The following GSKIP variants were observed in gnomAD, a reference collection of about 807,000 sequenced individuals.
GSKIP encodes the protein GSK3B-interacting protein.
GSKIP carries 5 observed loss-of-function variants against 11.9 expected under a neutral mutation model. The observed-to-expected ratio is 0.42, with a 90% CI of 0.22 to 0.89. The LOEUF is 0.89. Ranked by LOEUF, GSKIP falls within the 40% of genes least tolerant of loss-of-function variation. The pLI is 0.29. For missense variants in GSKIP, 150 were observed against 166.6 expected (o/e 0.90, Z 0.55); for synonymous variants, 70 against 62.9 (o/e 1.11, Z -0.54).
intron 1 of GSKIP, among the ~76,000 whole-genome samples, chr14:96,367,831 T>TA (rs1471712839): frequency 6.6e-6 from 1 of 152,204 alleles, no homozygotes; most frequent in Non-Finnish European, 1.5e-5. Flanking sequence ...TTACATCAGG[T>TA]GATACAACCT....
intron 1 of GSKIP, among the ~76,000 whole-genome samples, chr14:96,375,711 C>T (rs758052127): frequency 1.3e-5 from 2 of 152,164 alleles, no homozygotes; most frequent in South Asian, 2.1e-4. Flanking sequence ...GGATAACAGG[C>T]GTGAGCCACC....
chr14:96,373,384 T>A (rs967176909), intron 1 of GSKIP, among the ~76,000 whole-genome samples: 3 of 149,628 alleles, frequency 2.0e-5, no homozygotes, highest in Non-Finnish European at 4.5e-5. Context: ...TTTTCCAAAG[T>A]GTTGTGCCAG....
At chr14:96,376,446 AG>A (rs1176997598) in intron 1 of GSKIP, among the ~76,000 whole-genome samples, 1 of 152,208 alleles carries the variant, frequency 6.6e-6, no homozygotes, top group African/African-American at 2.4e-5. Flanking sequence ...CTGTACCCTT[AG>A]TCAAGCCCCA....
In GSKIP at chr14:96,379,413, C is replaced by T. The variant is rs149003251; in HGVS notation, c.-102-275C>T. Among the ~76,000 whole-genome samples the T allele has an allele frequency of 1.8e-3, 278 of 152,172 alleles. 4 individuals carry two copies. Among genetic ancestry groups the T allele is most frequent in the African/African-American group, 3.7e-3 (154 of 41,516 alleles). On this transcript the variant is annotated intron_variant, in intron 1 of 3. Transcript: ENST00000555181. The stretch of plus-strand genomic sequence containing the variant: ...AATTGCTTGGTTACTTTACTTAGTA[C>T]GGGAAGGGAGCATTATGGTTGCCCT...
At chr14:96,371,572 G>A (rs1464692615) in intron 1 of GSKIP, among the ~76,000 whole-genome samples, 5 of 151,130 alleles carry the variant, frequency 3.3e-5, no homozygotes, top group South Asian at 4.2e-4. Flanking sequence ...AGCCTCCCCA[G>A]TAGCTGGGAT....
Position 96,378,547 on chromosome 14 carries a change from A to G in GSKIP, c.-102-1141A>G, listed in dbSNP as rs533406434. ...TAGACTTCTCATCTCCAGAACTGTA[A>G]GAGAATAAGTGTGTGCTATTTGAAG... On this transcript the variant is annotated intron_variant, in intron 1 of 3. Coordinates refer to ENST00000555181, the MANE Select transcript of GSKIP (RefSeq NM_016472.5). Among the ~76,000 whole-genome samples, 28 of 152,314 alleles carry G rather than the reference A, an allele frequency of 1.8e-4. No individual in the cohort carries two copies. The South Asian group carries it at 5.4e-3, about 29-fold the overall frequency.
chr14:96,385,673 G>A lies in GSKIP; in HGVS notation c.409G>A (p.Gly137Arg), dbSNP rs199588276. 293 of 1,611,742 alleles carry A rather than the reference G, an allele frequency of 1.8e-4. No individual in the cohort carries two copies. Among genetic ancestry groups the A allele is most frequent in the Non-Finnish European group, 2.4e-4 (283 of 1,179,254 alleles). ...AAGACTGGAAGCTTTGAAAAGAGAT[G>A]GACAGTCATGACTACACTTTTTCCT... Reference protein sequence around the residue: ...LQRLEALKRDGQS With the variant: ...LQRLEALKRDRQS Residue 137 changes from glycine to arginine, a missense_variant, in exon 4 of 4, where the codon GGA (glycine) becomes AGA (arginine). Physicochemically the swap from Gly to Arg is moderately radical, Grantham distance 125 (BLOSUM62 -2). Coordinates refer to ENST00000555181, the MANE Select transcript of GSKIP (RefSeq NM_016472.5).
At chr14:96,375,118 G>A (rs1412601863) in intron 1 of GSKIP, among the ~76,000 whole-genome samples, 1 of 152,086 alleles carries the variant, frequency 6.6e-6, no homozygotes, top group East Asian at 1.9e-4. Flanking sequence ...TTGTGATAAA[G>A]ATGTATACTA....
chr14:96,384,712 T>C (rs1321939191), intron 3 of GSKIP: 1 of 152,142 alleles, frequency 6.6e-6, no homozygotes, highest in Non-Finnish European at 1.5e-5. Flanking sequence ...AAGGACAATA[T>C]ATTAAATGGA....
chr14:96,378,210 C>T (rs1001252698), intron 1 of GSKIP, among the ~76,000 whole-genome samples: 11 of 152,056 alleles, frequency 7.2e-5, no homozygotes, highest in Non-Finnish European at 1.0e-4. Context: ...TAGAATCACC[C>T]GGACCTGATG....
At chr14:96,368,846 G>C (rs1235918693) in intron 1 of GSKIP, among the ~76,000 whole-genome samples, 4 of 152,214 alleles carry the variant, frequency 2.6e-5, no homozygotes, top group Non-Finnish European at 5.9e-5. Flanking sequence ...AATTGGTACT[G>C]AGAGTGGGGT....
chr14:96,364,449 G>A (rs1388365733), intron 1 of GSKIP: 2 of 152,212 alleles, frequency 1.3e-5, no homozygotes, highest in African/African-American at 4.8e-5. Context: ...GAAACATACA[G>A]CTGTTTAATC....
chr14:96,382,574 G>A, intron 3 of GSKIP, 69 bp downstream of exon 3: 1 of 1,181,696 alleles, frequency 8.5e-7, no homozygotes, highest in Non-Finnish European at 1.2e-6. Flanking sequence ...AAGAGGGGTA[G>A]TGGGGAGGGG....
intron 1 of GSKIP, among the ~76,000 whole-genome samples, chr14:96,365,905 C>T (rs759453781): frequency 4.6e-5 from 7 of 151,872 alleles, no homozygotes; most frequent in Admixed American, 4.6e-4. Flanking sequence ...ACAGTATGGC[C>T]TAAGTTTCTA....
At position 96,370,552 on chromosome 14, in the gene GSKIP, G is replaced by A. The variant is rs11850103; in HGVS notation, c.-103+6984G>A. 9.5e-3 allele frequency among the ~76,000 whole-genome samples: 1,421 copies of A among 150,106 alleles called. 26 individuals are homozygous for A. The highest frequency in any genetic ancestry group is 0.033 in the African/African-American group (1,354 of 40,812). ...GGTGTGGATCTCTCATGAATGGCCCGGTGTCTTTCTCCCAGGAATGAGTGA... is the reference window on the plus strand; with the variant it reads ...GGTGTGGATCTCTCATGAATGGCCCAGTGTCTTTCTCCCAGGAATGAGTGA... On this transcript the variant is annotated intron_variant, in intron 1 of 3. Coordinates refer to ENST00000555181, the MANE Select transcript of GSKIP (RefSeq NM_016472.5).
chr14:96,382,846 G>A (rs1031914230), intron 3 of GSKIP, among the ~76,000 whole-genome samples: 2 of 152,072 alleles, frequency 1.3e-5, no homozygotes, highest in Non-Finnish European at 2.9e-5. Flanking sequence ...CAGTCACTGT[G>A]TTGAAAAGAT....
chr14:96,385,460 T>C (rs1889463905), intron 3 of GSKIP, 63 bp from the exon 4 acceptor site: 1 of 1,358,960 alleles, frequency 7.4e-7, no homozygotes, highest in Admixed American at 2.0e-5. Context: ...ACATAAACAC[T>C]TGGATTTTGC....
chr14:96,368,514 T>G (rs1888959828), intron 1 of GSKIP, among the ~76,000 whole-genome samples: 1 of 152,220 alleles, frequency 6.6e-6, no homozygotes, highest in South Asian at 2.1e-4. Flanking sequence ...AAATTAACCC[T>G]GTGTATTTCT....
chr14:96,385,582 AG>A lies in GSKIP; in HGVS notation c.319del (p.Val107SerfsTer27). 1 of 1,613,256 alleles carries A rather than the reference AG, an allele frequency of 6.2e-7. No homozygotes were observed. Among genetic ancestry groups the A allele is most frequent in the Non-Finnish European group, 8.5e-7 (1 of 1,179,388 alleles). On this transcript the variant is annotated frameshift_variant, in exon 4 of 4. Transcript: ENST00000555181. LOFTEE classifies it high-confidence loss of function. Reference sequence around the variant, plus strand: ...ATTTACAGACTCCCTACCATGAAACAGTCTACTCCTTGTTGGATACACTCAG... The same window carrying A: ...ATTTACAGACTCCCTACCATGAAACATCTACTCCTTGTTGGATACACTCAG... ...DHLQTPYHET[V>X]YSLLDTLSPA...
Sources: gnomAD v4.1 joint callset for allele counts (sites outside exome capture counted in the v4.1 genomes callset) on GRCh38, gnomAD v4.1.1 for gene constraint, MANE v1.5 for transcripts, NCBI Gene and HGNC (gene_info 2026-07-23, HGNC 2026-07-21) for gene names.